INPP4A: variants seen among roughly 807,000 people sequenced by gnomAD.
The protein encoded by INPP4A is inositol polyphosphate-4-phosphatase, type I, 107kD.
A neutral mutation model predicts 119.8 loss-of-function variants in INPP4A; 33 were observed. The ratio of observed to expected loss-of-function variants is 0.28; its 90% CI spans 0.21 to 0.37. The LOEUF (loss-of-function observed/expected upper bound fraction) is 0.37. Among genes scored for constraint, INPP4A ranks in the 10% least tolerant of loss-of-function variants. The pLI is 1.00. For missense variants in INPP4A, 956 were observed against 1,289.9 expected (o/e 0.74, Z 3.97); for synonymous variants, 496 against 500.7 (o/e 0.99, Z 0.12).
At chr2:98,469,432 G>A (rs1287175227) in intron 1 of INPP4A, among the ~76,000 whole-genome samples, 7 of 151,852 alleles carry the variant, frequency 4.6e-5, no homozygotes, top group Non-Finnish European at 7.4e-5. Context: ...CCTGGGAGGC[G>A]GAGGTTGCAG....
intron 1 of INPP4A, among the ~76,000 whole-genome samples, chr2:98,451,721 A>T (rs983613538): frequency 1.2e-4 from 19 of 152,144 alleles, no homozygotes; most frequent in Admixed American, 7.2e-4. Context: ...TCCCTCTCTC[A>T]TGTTGCTTGC....
rs1700337620 is a variant in INPP4A, at chr2:98,590,669, C to T, written c.*3061C>T. On this transcript the variant is annotated 3_prime_UTR_variant, in exon 25 of 25. Coordinates refer to ENST00000409851, the MANE Select transcript of INPP4A (RefSeq NM_001134225.2). ...TATTAATATTGACCCTGTTCATCGTCACCAGGACTGCATCTTGCACCACTG... is the reference window on the plus strand; with the variant it reads ...TATTAATATTGACCCTGTTCATCGTTACCAGGACTGCATCTTGCACCACTG... 4.7e-6 allele frequency: 1 copy of T among 214,770 alleles called. No individual in the cohort carries two copies. 13.3% of individuals were successfully genotyped at this position (214,770 alleles called of 1,614,324 possible).
intron 1 of INPP4A, among the ~76,000 whole-genome samples, chr2:98,477,431 C>T (rs987545899): frequency 1.3e-5 from 2 of 152,214 alleles, no homozygotes; most frequent in African/African-American, 2.4e-5. Flanking sequence ...GTTCCTGACC[C>T]GTTTCCAGAT....
intron 1 of INPP4A, among the ~76,000 whole-genome samples, chr2:98,476,339 G>C (rs1374103830): frequency 2.0e-5 from 3 of 152,250 alleles, no homozygotes; most frequent in African/African-American, 7.2e-5. Context: ...TGGATGCCCA[G>C]TCAAACTAAG....
chr2:98,551,621 G>T (rs1693536470), intron 13 of INPP4A, among the ~76,000 whole-genome samples: 1 of 152,188 alleles, frequency 6.6e-6, no homozygotes, highest in South Asian at 2.1e-4. Context: ...CCTGACCAAG[G>T]TGACTGTCAT....
intron 1 of INPP4A, among the ~76,000 whole-genome samples, chr2:98,456,204 C>G (rs1265117586): frequency 1.3e-5 from 2 of 152,016 alleles, no homozygotes; most frequent in Non-Finnish European, 2.9e-5. Context: ...CTTGAAATTA[C>G]CAGTTAAAGC....
At chr2:98,491,438 G>C (rs1209833222) in intron 1 of INPP4A, among the ~76,000 whole-genome samples, 1 of 152,178 alleles carries the variant, frequency 6.6e-6, no homozygotes, top group Non-Finnish European at 1.5e-5. Flanking sequence ...GCTCTCGTCT[G>C]GATGATGTGG....
chr2:98,591,065 C>T lies in INPP4A; in HGVS notation c.*3457C>T, dbSNP rs116655393. On this transcript the variant is annotated 3_prime_UTR_variant, in exon 25 of 25. Transcript: ENST00000409851. Reference sequence around the variant, plus strand: ...GCACACTTTTTAACCTATTTGTCAGCTGTCTTTTGGTCTGTGGTAGGAGTT... The same window carrying T: ...GCACACTTTTTAACCTATTTGTCAGTTGTCTTTTGGTCTGTGGTAGGAGTT... 630 of 213,532 alleles carry T rather than the reference C, an allele frequency of 3.0e-3. 4 individuals carry two copies. Among genetic ancestry groups the T allele is most frequent in the African/African-American group, 0.013 (584 of 44,368 alleles). 13.2% of individuals were successfully genotyped at this position (213,532 alleles called of 1,614,324 possible).
chr2:98,564,495 G>T, intron 18 of INPP4A, 145 bp from the exon 19 acceptor site: 1 of 974,452 alleles, frequency 1.0e-6, no homozygotes, highest in Non-Finnish European at 1.6e-6. Context: ...CCCCACCTGG[G>T]CTTCTCAAGG....
At chr2:98,560,891 G>T (rs924300577) in intron 17 of INPP4A, among the ~76,000 whole-genome samples, 32 of 152,196 alleles carry the variant, frequency 2.1e-4, no homozygotes, top group African/African-American at 7.2e-4. Flanking sequence ...ATGGGTCCCC[G>T]GGCAGCACAC....
intron 1 of INPP4A, among the ~76,000 whole-genome samples, chr2:98,480,543 A>G (rs182425251): frequency 6.6e-6 from 1 of 152,280 alleles, no homozygotes; most frequent in African/African-American, 2.4e-5. Context: ...GTTCCCCTGC[A>G]CTGACATTCT....
chr2:98,553,112 G>T (rs763541405), intron 14 of INPP4A, 143 bp downstream of exon 14: 12 of 689,662 alleles, frequency 1.7e-5, no homozygotes, highest in Non-Finnish European at 2.4e-5. Context: ...GGTCCATTTC[G>T]CACAAAGGCC....
intron 5 of INPP4A, among the ~76,000 whole-genome samples, chr2:98,533,781 C>T (rs1689691519): frequency 6.6e-6 from 1 of 152,154 alleles, no homozygotes; most frequent in Non-Finnish European, 1.5e-5. Flanking sequence ...GACCTAATTC[C>T]TTCTTGTCAC....
At chr2:98,512,006 T>A (rs1574840496) in intron 1 of INPP4A, among the ~76,000 whole-genome samples, 1 of 152,152 alleles carries the variant, frequency 6.6e-6, no homozygotes, top group East Asian at 1.9e-4. Flanking sequence ...TCACATAGAC[T>A]TAGCTGTAGA....
In INPP4A at chr2:98,566,046, G is replaced by A; in HGVS notation, c.2297G>A (p.Arg766Gln). The A allele has an allele frequency of 1.9e-6, 3 of 1,606,038 alleles. No homozygotes were observed. The highest frequency in any genetic ancestry group is 1.7e-4 in the Middle Eastern group (1 of 5,898). The change falls in exon 21 of 25, where the codon CGG becomes CAG. Residue 766 changes from arginine to glutamine, a missense_variant. Around this residue, in one of 2 missense-constraint regions of INPP4A, gnomAD observed 304 missense variants for 492.1 expected, o/e 0.62. Transcript: ENST00000409851. This position sits in a 1 kb window ranked among gnomAD's most constrained non-coding sequence, Gnocchi z 4.2. Reference protein sequence around the residue: ...ITGNRDGFNVRVPLPGPLFDA... With the variant: ...ITGNRDGFNVQVPLPGPLFDA... The stretch of plus-strand genomic sequence containing the variant: ...TTCTCCAGCGACGGGTTTAACGTGC[G>A]GGTCCCTCTGCCGGGCCCGCTGTTT...
chr2:98,510,295 T>A (rs1487848079), intron 1 of INPP4A, among the ~76,000 whole-genome samples: 1 of 152,210 alleles, frequency 6.6e-6, no homozygotes, highest in Non-Finnish European at 1.5e-5. Context: ...GAACTCCATC[T>A]ACTGAGATGG....
At chr2:98,523,392 G>GT (rs1553490028) in intron 4 of INPP4A, among the ~76,000 whole-genome samples, 5 of 148,950 alleles carry the variant, frequency 3.4e-5, no homozygotes, top group South Asian at 2.1e-4. Context: ...TTTTGTTTTT[G>GT]TTTTTTTGTT....
intron 19 of INPP4A, among the ~76,000 whole-genome samples, chr2:98,565,370 A>G (rs1235326366): frequency 2.0e-5 from 3 of 152,180 alleles, no homozygotes; most frequent in African/African-American, 2.4e-5. Flanking sequence ...TTCCCTCCCT[A>G]CTATCTGGTG....
At chr2:98,455,779 T>C (rs1371582998) in intron 1 of INPP4A, among the ~76,000 whole-genome samples, 2 of 152,364 alleles carry the variant, frequency 1.3e-5, no homozygotes, top group East Asian at 1.9e-4. Flanking sequence ...GCCTTTTTAT[T>C]CTTTCACTTT....
Sources: allele counts gnomAD v4.1 joint callset (sites outside exome capture counted in the v4.1 genomes callset), GRCh38; gene constraint gnomAD v4.1.1; regional missense constraint gnomAD v4.1.1; non-coding constraint Gnocchi (gnomAD v3.1); transcripts MANE v1.5; gene names NCBI Gene and HGNC (gene_info 2026-07-23, HGNC 2026-07-21).